The following USP32 variants were observed in gnomAD, a reference collection of about 807,000 sequenced individuals.
The protein encoded by USP32 is ubiquitin specific peptidase 32, also known as ubiquitin carboxyl-terminal hydrolase 32.
USP32 carries 59 observed loss-of-function variants against 204.8 expected under a neutral mutation model. That is an observed-to-expected ratio of 0.29 (90% CI 0.23 to 0.36). The LOEUF (loss-of-function observed/expected upper bound fraction) is 0.36. Among genes scored for constraint, USP32 ranks in the 10% least tolerant of loss-of-function variants. The probability of loss-of-function intolerance (pLI) is 1.00; values close to 1 mark genes in which losing one functional copy is unlikely to be tolerated. For synonymous variants in USP32, 517 were observed against 678.4 expected, an observed-to-expected ratio of 0.76 and a Z score of 3.70; for missense variants, 1,160 against 1,946.4, an observed-to-expected ratio of 0.60 and a Z score of 7.60.
chr17:60,347,241 G>A (rs1567865490), intron 1 of USP32, among the ~76,000 whole-genome samples: 3 of 151,752 alleles, frequency 2.0e-5, no homozygotes, highest in Non-Finnish European at 2.9e-5. Flanking sequence ...CTGGAGTGCA[G>A]TGGCATGATC....
At chr17:60,343,444 A>C (rs2088708511) in intron 2 of USP32, among the ~76,000 whole-genome samples, 2 of 152,206 alleles carry the variant, frequency 1.3e-5, no homozygotes, top group South Asian at 2.1e-4. Context: ...AAATCACAAC[A>C]AACTGTCTCT....
At chr17:60,319,475 T>G (rs2088061539) in intron 2 of USP32, among the ~76,000 whole-genome samples, 1 of 152,026 alleles carries the variant, frequency 6.6e-6, no homozygotes, top group Non-Finnish European at 1.5e-5. Flanking sequence ...AATAAACACT[T>G]AGATAGAAAG....
intron 9 of USP32, among the ~76,000 whole-genome samples, chr17:60,264,870 A>G (rs1322770954): frequency 2.0e-5 from 3 of 151,202 alleles, no homozygotes; most frequent in Middle Eastern, 3.4e-3. Context: ...AAAAAAAAAA[A>G]AAAAAAAAAA....
intron 1 of USP32, among the ~76,000 whole-genome samples, chr17:60,367,883 T>C (rs74543608): frequency 0.02 from 3,120 of 152,244 alleles, 99 homozygotes; most frequent in African/African-American, 0.07. Context: ...GGCTTTTTTT[T>C]TTCTTTTTTT....
intron 11 of USP32, among the ~76,000 whole-genome samples, chr17:60,237,708 C>T (rs564315978): frequency 6.6e-6 from 1 of 152,254 alleles, no homozygotes; most frequent in South Asian, 2.1e-4. Context: ...TGTCTGGCTT[C>T]CTTCATTTAA....
intron 2 of USP32, among the ~76,000 whole-genome samples, chr17:60,345,053 TA>T (rs2088753405): frequency 6.6e-6 from 1 of 152,184 alleles, no homozygotes; most frequent in Non-Finnish European, 1.5e-5. Flanking sequence ...AAAATTTAAT[TA>T]AGTCCCAATA....
chr17:60,355,875 G>A, intron 1 of USP32, among the ~76,000 whole-genome samples: 1 of 124,352 alleles, frequency 8.0e-6, no homozygotes. Flanking sequence ...AAAAAGAATG[G>A]CTGAACCTCT....
At chr17:60,397,642 C>T (rs1438397633) in intron 1 of USP32, among the ~76,000 whole-genome samples, 1 of 151,994 alleles carries the variant, frequency 6.6e-6, no homozygotes, top group Non-Finnish European at 1.5e-5. Flanking sequence ...GATGAGACAC[C>T]ATGCATAGTC....
upstream of USP32, chr17:60,392,526 G>A: frequency 2.7e-6 from 1 of 366,648 alleles, no homozygotes; most frequent in Non-Finnish European, 5.6e-6. Context: ...CGGCGGGTGG[G>A]GTCCGAGCAG....
In USP32 at chr17:60,190,576, G is replaced by GT; in HGVS notation, c.3628dup (p.Thr1210AsnfsTer9). ...CTAAATACTTACCCTTTCCTGGGAT[G>GT]TTTGATAGCGAAGGTGAAGGGCTGT... On this transcript the variant is annotated frameshift_variant, in exon 29 of 34. Transcript: ENST00000300896. LOFTEE classifies it high-confidence loss of function. 6.3e-7 allele frequency: 1 copy of GT among 1,585,540 alleles called. No homozygotes were observed. The highest frequency in any genetic ancestry group is 8.5e-7 in the Non-Finnish European group (1 of 1,171,912).
In USP32 at chr17:60,392,058, C is replaced by A; in HGVS notation, c.-119G>T. The stretch of plus-strand genomic sequence containing the variant: ...TGTCGGCGTCCCCCGCCCCCACCTC[C>A]CCCCACACTAACAAGTGCGGCTTCT... On this transcript the variant is annotated 5_prime_UTR_variant, in exon 1 of 34. Coordinates refer to ENST00000300896, the MANE Select transcript of USP32 (RefSeq NM_032582.4). 1 of 1,203,950 alleles carries A rather than the reference C, an allele frequency of 8.3e-7. No individual in the cohort carries two copies. The highest frequency in any genetic ancestry group is 1.2e-6 in the Non-Finnish European group (1 of 865,316). 74.6% of individuals were successfully genotyped at this position (1,203,950 alleles called of 1,614,324 possible). A position where few individuals can be genotyped will look rare whatever the true frequency, so the allele number is the denominator to read the frequency against.
rs573175340 is a variant in USP32, at chr17:60,344,965, A to G, written c.186+516T>C. ...AGGGACGCACAGTGGCGCCGGTTAA[A>G]CATATTATTTTTAGAAACAGAATAT... On this transcript the variant is annotated intron_variant, in intron 2 of 33. Coordinates refer to ENST00000300896, the MANE Select transcript of USP32 (RefSeq NM_032582.4). 1.5e-4 allele frequency among the ~76,000 whole-genome samples: 23 copies of G among 152,324 alleles called. 1 individual carries two copies. In the South Asian group the frequency reaches 4.1e-3, roughly 27 times the overall value.
intron 30 of USP32, among the ~76,000 whole-genome samples, chr17:60,185,014 G>T (rs2084215315): frequency 6.6e-6 from 1 of 152,168 alleles, no homozygotes; most frequent in Non-Finnish European, 1.5e-5. Flanking sequence ...TGGTGTGCTT[G>T]TGTACACACA....
intron 11 of USP32, among the ~76,000 whole-genome samples, chr17:60,239,657 G>A (rs1400638339): frequency 6.6e-6 from 1 of 152,040 alleles, no homozygotes; most frequent in Non-Finnish European, 1.5e-5. Context: ...AAACCTGTTT[G>A]GTTCCTTTTT....
chr17:60,421,494 T>TG (rs1314019277), intron 1 of USP32: 4 of 984,756 alleles, frequency 4.1e-6, no homozygotes, highest in Non-Finnish European at 4.8e-6. Context: ...CCACACTGAG[T>TG]GGGGACAACT....
chr17:60,255,267 G>T lies in USP32; in HGVS notation c.991-9C>A. On this transcript the variant is annotated splice_polypyrimidine_tract_variant and intron_variant, in intron 9 of 33. Transcript: ENST00000300896. ...AGAGTAAGATGACCCATCTGAAACA[G>T]AGACACTCATGTTAGGAACATCTTT... 2 of 1,563,688 alleles carry T rather than the reference G, an allele frequency of 1.3e-6. No homozygotes were observed. Among genetic ancestry groups the T allele is most frequent in the Non-Finnish European group, 1.7e-6 (2 of 1,147,526 alleles).
intron 2 of USP32, among the ~76,000 whole-genome samples, chr17:60,327,083 A>T (rs1477609242): frequency 6.6e-6 from 1 of 152,186 alleles, no homozygotes; most frequent in Non-Finnish European, 1.5e-5. Context: ...GACTATAATT[A>T]ACAACAATTG....
chr17:60,343,889 C>T (rs2088718777), intron 2 of USP32, among the ~76,000 whole-genome samples: 1 of 151,918 alleles, frequency 6.6e-6, no homozygotes, highest in African/African-American at 2.4e-5. Flanking sequence ...AAAAAATTAG[C>T]TGGGCATGGT....
chr17:60,190,682 A>G lies in USP32; in HGVS notation c.3523T>C (p.Phe1175Leu), dbSNP rs2084357331. Residue 1175 changes from phenylalanine to leucine, a missense_variant and splice_region_variant, in exon 29 of 34, where the codon TTT (phenylalanine) becomes CTT (leucine). By Grantham distance (22) the Phe-to-Leu change is conservative. Around this residue, in one of 8 missense-constraint regions of USP32, gnomAD observed 160 missense variants for 322.5 expected, o/e 0.50. Transcript: ENST00000300896. Reference sequence around the variant, plus strand: ...CAATCAATTTTACAGCCTCTGCAAAATCTAAAAAGGGGGAAAAGATCCACA... The same window carrying G: ...CAATCAATTTTACAGCCTCTGCAAAGTCTAAAAAGGGGGAAAAGATCCACA... ...NSCAWCPWYR[F>L]CRGCKIDCGE... 6.3e-7 allele frequency: 1 copy of G among 1,590,964 alleles called. No homozygotes were observed.
Sources: allele counts gnomAD v4.1 joint callset (sites outside exome capture counted in the v4.1 genomes callset), GRCh38; gene constraint gnomAD v4.1.1; regional missense constraint gnomAD v4.1.1; transcripts MANE v1.5; gene names NCBI Gene and HGNC (gene_info 2026-07-23, HGNC 2026-07-21).